The following PRKCA variants were observed in gnomAD, a reference collection of about 807,000 sequenced individuals.
The protein encoded by PRKCA is protein kinase C alpha type.
In PRKCA, 27 loss-of-function variants were observed where a neutral mutation model predicts 87.0. The observed-to-expected ratio is 0.31, with a 90% confidence interval of 0.23 to 0.43. PRKCA has a LOEUF of 0.43. Ranked by LOEUF, PRKCA falls within the 20% of genes least tolerant of loss-of-function variation. PRKCA has a pLI of 1.00. For synonymous variants in PRKCA, 329 were observed against 311.1 expected (o/e 1.06, Z -0.61); for missense variants, 518 against 852.3 (o/e 0.61, Z 4.88).
intron 14 of PRKCA, among the ~76,000 whole-genome samples, chr17:66,786,046 T>G (rs372317970): frequency 9.9e-5 from 15 of 152,226 alleles, no homozygotes; most frequent in African/African-American, 3.6e-4. Context: ...GCCAGGATGG[T>G]CTCGATCACC....
chr17:66,543,187 T>C (rs1456072590), intron 3 of PRKCA, among the ~76,000 whole-genome samples: 1 of 152,216 alleles, frequency 6.6e-6, no homozygotes, highest in African/African-American at 2.4e-5. Context: ...GACAGTTTTC[T>C]TCACAGTGAA....
At chr17:66,476,256 T>A (rs964366311) in intron 2 of PRKCA, among the ~76,000 whole-genome samples, 3 of 152,182 alleles carry the variant, frequency 2.0e-5, no homozygotes, top group Non-Finnish European at 4.4e-5. Context: ...CTTTTCTACC[T>A]TTAGATGTAC....
chr17:66,622,917 A>G (rs1970731078), intron 3 of PRKCA, among the ~76,000 whole-genome samples: 1 of 152,246 alleles, frequency 6.6e-6, no homozygotes, highest in Admixed American at 6.5e-5. Context: ...TGTGGGAATT[A>G]TGGGAGTACA....
At chr17:66,497,974 G>A (rs79924032) in intron 3 of PRKCA, among the ~76,000 whole-genome samples, 2,122 of 152,194 alleles carry the variant, frequency 0.014, 55 homozygotes, top group African/African-American at 0.049. Context: ...ACATACACAC[G>A]GGTTCCACAA....
chr17:66,513,731 G>A (rs749616138), intron 3 of PRKCA, among the ~76,000 whole-genome samples: 2 of 152,162 alleles, frequency 1.3e-5, no homozygotes, highest in African/African-American at 2.4e-5. Context: ...CAGCCATTAA[G>A]AATGATGCTT....
Position 66,448,789 on chromosome 17 carries a change from G to C in PRKCA, c.206-47412G>C, listed in dbSNP as rs546299707. 2.6e-5 allele frequency among the ~76,000 whole-genome samples: 4 copies of C among 151,700 alleles called. No individual in the cohort carries two copies. The South Asian group carries it at 8.3e-4, about 32-fold the overall frequency. ...CTCATTCAGTTTTACCCCTCAAAAT[G>C]TGCTTTAGATAAGTGAGTCTAATGG... On this transcript the variant is annotated intron_variant, in intron 2 of 16. Coordinates refer to ENST00000413366, the MANE Select transcript of PRKCA (RefSeq NM_002737.3).
chr17:66,534,297 A>G (rs192647248), intron 3 of PRKCA, among the ~76,000 whole-genome samples: 11 of 152,146 alleles, frequency 7.2e-5, no homozygotes, highest in Non-Finnish European at 1.2e-4. Context: ...TTCTGCTGGT[A>G]TTTCATATCT....
intron 3 of PRKCA, among the ~76,000 whole-genome samples, chr17:66,611,112 C>T (rs971129941): frequency 3.3e-5 from 5 of 152,158 alleles, no homozygotes; most frequent in African/African-American, 9.7e-5. Context: ...CTCTGGGCCA[C>T]GAACTGGGGG....
chr17:66,620,673 T>G (rs903707923), intron 3 of PRKCA, among the ~76,000 whole-genome samples: 1 of 152,124 alleles, frequency 6.6e-6, no homozygotes, highest in African/African-American at 2.4e-5. Flanking sequence ...GAAAACCGAG[T>G]GATTCTATCT....
intron 5 of PRKCA, among the ~76,000 whole-genome samples, chr17:66,667,789 A>G (rs954069791): frequency 8.5e-5 from 13 of 152,212 alleles, no homozygotes; most frequent in African/African-American, 3.1e-4. Flanking sequence ...CTTCCAATTA[A>G]CCAGACTTTC....
intron 5 of PRKCA, among the ~76,000 whole-genome samples, chr17:66,677,757 G>T (rs1183317986): frequency 6.6e-6 from 1 of 152,218 alleles, no homozygotes; most frequent in Non-Finnish European, 1.5e-5. Flanking sequence ...TATTTCACAG[G>T]AGTATTGTGA....
chr17:66,591,584 G>A (rs1285378577), intron 3 of PRKCA, among the ~76,000 whole-genome samples: 1 of 152,122 alleles, frequency 6.6e-6, no homozygotes, highest in African/African-American at 2.4e-5. Context: ...CATTGTTCTG[G>A]TACTTCCTAA....
intron 3 of PRKCA, among the ~76,000 whole-genome samples, chr17:66,514,443 A>G (rs1966896145): frequency 6.6e-6 from 1 of 152,154 alleles, no homozygotes. Context: ...CTGCATGCTA[A>G]GTGTGTCATC....
In PRKCA at chr17:66,645,309, C is replaced by CA. The variant is rs1252949105; in HGVS notation, c.401-73dup. On this transcript the variant is annotated intron_variant, in intron 4 of 16. Transcript: ENST00000413366. ...GGGGTAACTCATTTTCACTTGTGCT[C>CA]ATGCACCAAAACACTGAGGAGCGGT... 3 of 1,600,156 alleles carry CA rather than the reference C, an allele frequency of 1.9e-6. No individual in the cohort carries two copies. In the African/African-American group the frequency reaches 4.0e-5, roughly 21 times the overall value.
At chr17:66,573,006 A>AAAGTATGT (rs1318945532) in intron 3 of PRKCA, among the ~76,000 whole-genome samples, 1 of 152,036 alleles carries the variant, frequency 6.6e-6, no homozygotes, top group African/African-American at 2.4e-5. Context: ...GGAACTTTTA[A>AAAGTATGT]AAGTATGTAT....
intron 5 of PRKCA, among the ~76,000 whole-genome samples, chr17:66,686,110 A>G (rs959268166): frequency 6.6e-6 from 1 of 152,226 alleles, no homozygotes; most frequent in African/African-American, 2.4e-5. Flanking sequence ...CATTTGAGAT[A>G]GGAGACTCAG....
intron 5 of PRKCA, among the ~76,000 whole-genome samples, chr17:66,664,750 G>A (rs983981347): frequency 1.4e-5 from 2 of 147,084 alleles, no homozygotes; most frequent in Non-Finnish European, 3.0e-5. Context: ...ATGAGCTGCC[G>A]GGCTCAAGTG....
chr17:66,508,669 G>A (rs1917081725), intron 3 of PRKCA, among the ~76,000 whole-genome samples: 1 of 151,934 alleles, frequency 6.6e-6, no homozygotes, highest in Non-Finnish European at 1.5e-5. Flanking sequence ...TTTGTTTCAC[G>A]CACCTAATAG....
At chr17:66,778,295 C>T (rs1975110647) in intron 14 of PRKCA, 3 of 829,216 alleles carry the variant, frequency 3.6e-6, no homozygotes, top group South Asian at 5.5e-5. Context: ...GGGCGGATCA[C>T]GAGGTCAGGA....
Sources: allele counts gnomAD v4.1 joint callset (sites outside exome capture counted in the v4.1 genomes callset), GRCh38; gene constraint gnomAD v4.1.1; transcripts MANE v1.5; gene names NCBI Gene and HGNC (gene_info 2026-07-23, HGNC 2026-07-21).